ASIC2: variants seen among roughly 807,000 people sequenced by gnomAD.
The protein encoded by ASIC2 is acid-sensing ion channel 2.
A neutral mutation model predicts 57.3 loss-of-function variants in ASIC2; 25 were observed. That is an observed-to-expected ratio of 0.44 (90% CI 0.32 to 0.61). The LOEUF is 0.61. Among genes scored for constraint, ASIC2 ranks in the 20% least tolerant of loss-of-function variants. The pLI, the probability that ASIC2 is intolerant of heterozygous loss-of-function variation, is 0.06. For missense variants in ASIC2, 641 were observed against 738.1 expected, an observed-to-expected ratio of 0.87 and a Z score of 1.52; for synonymous variants, 319 against 307.5, an observed-to-expected ratio of 1.04 and a Z score of -0.39.
intron 1 of ASIC2, among the ~76,000 whole-genome samples, chr17:33,401,869 G>A (rs1910297974): frequency 6.6e-6 from 1 of 152,098 alleles, no homozygotes; most frequent in Non-Finnish European, 1.5e-5. Flanking sequence ...AGTAACAAAA[G>A]GAAATTAAGT....
intron 1 of ASIC2, among the ~76,000 whole-genome samples, chr17:33,263,670 G>C (rs1909363531): frequency 7.9e-6 from 1 of 126,470 alleles, no homozygotes; most frequent in Non-Finnish European, 1.7e-5. Context: ...TGAAGAGTTG[G>C]TGTTCTGCAG....
Position 34,099,107 on chromosome 17 carries a change from AGAGAGAGAGAGAGAGAGAGAGAG to A in ASIC2, c.555+56848_555+56870del, listed in dbSNP as rs1910654688. Reference sequence around the variant, plus strand: ...GCAGCTACATTAAGAGAGAAAAGAGAGAGAGAGAGAGAGAGAGAGAGAGAGAGAGAGAGAGAGACAGAGAGAGA... The same window carrying A: ...GCAGCTACATTAAGAGAGAAAAGAGAAGAGAGAGAGAGAGACAGAGAGAGA... On this transcript the variant is annotated intron_variant, in intron 1 of 9. Transcript: ENST00000359872. Among the ~76,000 whole-genome samples, 4 of 22,800 alleles carry A rather than the reference AGAGAGAGAGAGAGAGAGAGAGAG, an allele frequency of 1.8e-4. 1 individual carries two copies. The highest frequency in any genetic ancestry group is 6.5e-4 in the African/African-American group (4 of 6,122). 15.0% of individuals were successfully genotyped at this position (22,800 alleles called of 152,430 possible).
At chr17:33,118,397 G>A (rs555006852) in intron 1 of ASIC2, among the ~76,000 whole-genome samples, 2 of 152,310 alleles carry the variant, frequency 1.3e-5, no homozygotes, top group East Asian at 3.9e-4. Flanking sequence ...CTGAGGCACA[G>A]AAAGGCTGAG....
chr17:33,047,227 C>G (rs2091959200), intron 3 of ASIC2, among the ~76,000 whole-genome samples: 1 of 152,240 alleles, frequency 6.6e-6, no homozygotes, highest in African/African-American at 2.4e-5. Context: ...ACCCCCTTCC[C>G]TCTCAGAGTT....
chr17:33,478,166 C>T lies in ASIC2; in HGVS notation c.556-366099G>A, dbSNP rs563695178. 3.3e-5 allele frequency among the ~76,000 whole-genome samples: 5 copies of T among 152,284 alleles called. No homozygotes were observed. In the South Asian group the frequency reaches 6.2e-4, roughly 19 times the overall value. The stretch of plus-strand genomic sequence containing the variant: ...AATATCCCAATGACAGCACCAATGG[C>T]GGAGAGCTACCTTCAAGGGAGGTGG... On this transcript the variant is annotated intron_variant, in intron 1 of 9. Transcript: ENST00000359872.
intron 1 of ASIC2, among the ~76,000 whole-genome samples, chr17:33,647,040 T>G (rs919200070): frequency 1.3e-5 from 2 of 151,972 alleles, no homozygotes; most frequent in Non-Finnish European, 2.9e-5. Flanking sequence ...CAGGGAACCT[T>G]GTTTGGAGAA....
intron 1 of ASIC2, among the ~76,000 whole-genome samples, chr17:33,399,399 G>A (rs1910199842): frequency 6.6e-6 from 1 of 152,132 alleles, no homozygotes; most frequent in African/African-American, 2.4e-5. Context: ...TCAGGAGGAG[G>A]GCTTGTCCTT....
intron 1 of ASIC2, among the ~76,000 whole-genome samples, chr17:33,982,971 T>C (rs1245311207): frequency 6.6e-6 from 1 of 152,222 alleles, no homozygotes; most frequent in Non-Finnish European, 1.5e-5. Flanking sequence ...GGAAACAGCA[T>C]GGTGCCTCAC....
At chr17:33,094,921 TA>T (rs1193879685) in intron 2 of ASIC2, among the ~76,000 whole-genome samples, 1 of 152,240 alleles carries the variant, frequency 6.6e-6, no homozygotes, top group Non-Finnish European at 1.5e-5. Flanking sequence ...ATTGATTAAA[TA>T]CTTGGGGCTG....
At chr17:33,209,641 T>C (rs527983547) in intron 1 of ASIC2, among the ~76,000 whole-genome samples, 1 of 152,356 alleles carries the variant, frequency 6.6e-6, no homozygotes, top group South Asian at 2.1e-4. Flanking sequence ...CCTTGAGCTA[T>C]AGGAAGGCAG....
rs373154033 is a variant in ASIC2, at chr17:33,436,852, TC to T, written c.556-324786del. Among the ~76,000 whole-genome samples the T allele has an allele frequency of 6.8e-3, 345 of 50,546 alleles. 19 individuals carry two copies. The highest frequency in any genetic ancestry group is 8.8e-3 in the African/African-American group (158 of 18,028). The allele number at this position is 50,546 out of a possible 152,430, so 33.2% of individuals were successfully genotyped here. ...CAATGCCTTAAAACACATTCCAACT[TC>T]TTTTTTTTTTTTTTTTTTTTTTTTT... On this transcript the variant is annotated intron_variant, in intron 1 of 9. Coordinates refer to the ASIC2 transcript ENST00000359872.
intron 1 of ASIC2, among the ~76,000 whole-genome samples, chr17:34,104,114 T>C (rs1048835128): frequency 6.6e-6 from 1 of 152,192 alleles, no homozygotes; most frequent in African/African-American, 2.4e-5. Flanking sequence ...TTTATTTATG[T>C]CCTCTTTAAC....
At chr17:33,400,473 T>C (rs987659085) in intron 1 of ASIC2, among the ~76,000 whole-genome samples, 1 of 151,958 alleles carries the variant, frequency 6.6e-6, no homozygotes, top group East Asian at 1.9e-4. Context: ...TTGGCTGGAG[T>C]AGATTTGTGT....
chr17:33,360,792 A>G (rs558516625), intron 1 of ASIC2, among the ~76,000 whole-genome samples: 1 of 152,122 alleles, frequency 6.6e-6, no homozygotes, highest in Non-Finnish European at 1.5e-5. Context: ...GTTTCTCTAG[A>G]GTATTAATAT....
rs75938798 is a variant in ASIC2, at chr17:33,104,418, C to T, written c.859+7499G>A. Among the ~76,000 whole-genome samples, 122 of 152,296 alleles carry T rather than the reference C, an allele frequency of 8.0e-4. 1 individual carries two copies. The East Asian group carries it at 0.014, about 18-fold the overall frequency. On this transcript the variant is annotated intron_variant, in intron 2 of 9. Transcript: ENST00000225823. ...CTCTGGGATGGACACAGCCATGGAA[C>T]CAACCAGCACTTTTAATCCCAATGA... is the stretch of plus-strand genomic sequence containing the variant.
chr17:33,114,527 G>A (rs758048959), intron 1 of ASIC2, among the ~76,000 whole-genome samples: 6 of 152,204 alleles, frequency 3.9e-5, no homozygotes, highest in Non-Finnish European at 7.3e-5. Context: ...TTTCAGCTTA[G>A]CATCAGATTA....
intron 1 of ASIC2, among the ~76,000 whole-genome samples, chr17:33,264,043 G>A (rs532530026): frequency 3.9e-5 from 6 of 152,308 alleles, no homozygotes; most frequent in Admixed American, 1.3e-4. Flanking sequence ...AATCAACCTG[G>A]GCCGGCCTTT....
chr17:34,109,892 A>G (rs1273475025), intron 1 of ASIC2, among the ~76,000 whole-genome samples: 1 of 152,000 alleles, frequency 6.6e-6, no homozygotes, highest in Non-Finnish European at 1.5e-5. Flanking sequence ...TTATCTATCT[A>G]TCGTGATACT....
intron 1 of ASIC2, among the ~76,000 whole-genome samples, chr17:34,096,062 A>G (rs1910536789): frequency 6.6e-6 from 1 of 152,168 alleles, no homozygotes; most frequent in African/African-American, 2.4e-5. Context: ...TCATGTCTCA[A>G]CCTCTTTCAA....
Sources: allele counts gnomAD v4.1 joint callset (sites outside exome capture counted in the v4.1 genomes callset), GRCh38; gene constraint gnomAD v4.1.1; transcripts MANE v1.5; gene names NCBI Gene and HGNC (gene_info 2026-07-23, HGNC 2026-07-21).